The following KIAA1217 variants were observed in gnomAD, a reference collection of about 807,000 sequenced individuals.
The protein encoded by KIAA1217 is KIAA1217, also known as sickle tail protein homolog.
In KIAA1217, 88 loss-of-function variants were observed where a neutral mutation model predicts 163.9. The ratio of observed to expected loss-of-function variants is 0.54; its 90% CI spans 0.45 to 0.64. The LOEUF (loss-of-function observed/expected upper bound fraction) is 0.64. KIAA1217 is among the 30% of genes least tolerant of loss of function. The pLI is 0.00. For synonymous variants in KIAA1217, 903 were observed against 923.1 expected, an observed-to-expected ratio of 0.98 and a Z score of 0.39; for missense variants, 2,372 against 2,475.0, an observed-to-expected ratio of 0.96 and a Z score of 0.88.
At chr10:24,234,438 C>A (rs183242303) in intron 2 of KIAA1217, among the ~76,000 whole-genome samples, 1 of 151,836 alleles carries the variant, frequency 6.6e-6, no homozygotes, top group Non-Finnish European at 1.5e-5. Flanking sequence ...CTAAGGCAGG[C>A]GGATCACCTG....
intron 1 of KIAA1217, among the ~76,000 whole-genome samples, chr10:23,865,677 T>C (rs1033587422): frequency 3.9e-5 from 6 of 152,166 alleles, no homozygotes; most frequent in African/African-American, 1.4e-4. Context: ...TTTTAACGTT[T>C]AAATCTTAAT....
At chr10:24,179,247 C>T (rs1026771122) in intron 2 of KIAA1217, among the ~76,000 whole-genome samples, 1 of 152,144 alleles carries the variant, frequency 6.6e-6, no homozygotes, top group Admixed American at 6.5e-5. Flanking sequence ...TGTGTCCCCA[C>T]CCAAATCTTG....
intron 3 of KIAA1217, among the ~76,000 whole-genome samples, chr10:24,425,103 G>C (rs879310449): frequency 1.3e-5 from 2 of 152,144 alleles, no homozygotes; most frequent in Admixed American, 6.5e-5. Flanking sequence ...AAATTACCCA[G>C]TTAACTGAGT....
chr10:24,109,337 T>G (rs1181390366), intron 2 of KIAA1217, among the ~76,000 whole-genome samples: 1 of 152,196 alleles, frequency 6.6e-6, no homozygotes, highest in Non-Finnish European at 1.5e-5. Flanking sequence ...CTATCTTGTT[T>G]TATATAGTTA....
intron 1 of KIAA1217, among the ~76,000 whole-genome samples, chr10:23,846,532 T>G (rs1839039707): frequency 6.6e-6 from 1 of 152,178 alleles, no homozygotes; most frequent in Non-Finnish European, 1.5e-5. Flanking sequence ...GCTCTCTGTT[T>G]GTCTGTTCTT....
intron 5 of KIAA1217, among the ~76,000 whole-genome samples, chr10:24,464,525 C>G (rs1417456124): frequency 6.6e-6 from 1 of 152,074 alleles, no homozygotes; most frequent in Non-Finnish European, 1.5e-5. Flanking sequence ...ACTCTGTCAC[C>G]CAGGCTGGAG....
chr10:24,040,432 A>G (rs1395846578), intron 2 of KIAA1217, among the ~76,000 whole-genome samples: 2 of 152,244 alleles, frequency 1.3e-5, no homozygotes, highest in Non-Finnish European at 2.9e-5. Flanking sequence ...AACTGAAGAC[A>G]CCTGAAGAAG....
chr10:23,796,334 A>G (rs974347684), intron 1 of KIAA1217, among the ~76,000 whole-genome samples: 8 of 135,260 alleles, frequency 5.9e-5, no homozygotes, highest in Non-Finnish European at 1.3e-4. Context: ...CCTTCCCGAG[A>G]GACTGCTTAT....
intron 2 of KIAA1217, among the ~76,000 whole-genome samples, chr10:24,191,955 T>C (rs2066741414): frequency 6.6e-6 from 1 of 152,148 alleles, no homozygotes; most frequent in African/African-American, 2.4e-5. Flanking sequence ...AGTTTTGCCG[T>C]GTTGGTCTGG....
At chr10:24,389,820 T>C in intron 3 of KIAA1217, among the ~76,000 whole-genome samples, 1 of 152,116 alleles carries the variant, frequency 6.6e-6, no homozygotes, top group East Asian at 1.9e-4. Context: ...TTTTTTGTTT[T>C]GTTTTGTTTT....
chr10:23,823,608 A>T (rs1329694798), intron 1 of KIAA1217, among the ~76,000 whole-genome samples: 1 of 152,134 alleles, frequency 6.6e-6, no homozygotes, highest in Non-Finnish European at 1.5e-5. Context: ...GGTTCCAGGG[A>T]TTAGGGCGTG....
intron 5 of KIAA1217, among the ~76,000 whole-genome samples, chr10:24,467,250 C>T (rs952707348): frequency 6.6e-6 from 1 of 152,136 alleles, no homozygotes; most frequent in African/African-American, 2.4e-5. Flanking sequence ...ATGGTGTAAA[C>T]AGCATTTTGA....
chr10:24,410,168 G>A (rs1386798162), intron 3 of KIAA1217, among the ~76,000 whole-genome samples: 5 of 151,482 alleles, frequency 3.3e-5, no homozygotes, highest in Admixed American at 2.0e-4. Flanking sequence ...AGCTAATTTT[G>A]TATTTTTAGT....
rs564809478 is a variant in KIAA1217 at position 24,141,234 on chromosome 10, C to A, written c.-170-78392C>A. Among the ~76,000 whole-genome samples, 79 of 132,924 alleles carry A rather than the reference C, an allele frequency of 5.9e-4. 1 individual carries two copies. The East Asian group carries it at 0.013, about 23-fold the overall frequency. 87.2% of individuals were successfully genotyped at this position (132,924 alleles called of 152,430 possible). Reference sequence around the variant, plus strand: ...CTCAGAGAAAGAATAAACCCCCCCCCCCCATTTCTCTCTTCTTTCCTTTTC... The same window carrying A: ...CTCAGAGAAAGAATAAACCCCCCCCACCCATTTCTCTCTTCTTTCCTTTTC... On this transcript the variant is annotated intron_variant, in intron 2 of 18. Coordinates refer to the KIAA1217 transcript ENST00000376462.
intron 2 of KIAA1217, among the ~76,000 whole-genome samples, chr10:24,093,947 A>T (rs1246445753): frequency 1.3e-5 from 2 of 151,660 alleles, no homozygotes; most frequent in African/African-American, 4.9e-5. Flanking sequence ...GATGATTTCC[A>T]ATTTCATCCG....
chr10:24,103,171 G>A (rs2062484852), intron 2 of KIAA1217, among the ~76,000 whole-genome samples: 1 of 152,108 alleles, frequency 6.6e-6, no homozygotes, highest in South Asian at 2.1e-4. Flanking sequence ...GGGGAAGATA[G>A]TCTTTTTAAA....
intron 2 of KIAA1217, among the ~76,000 whole-genome samples, chr10:24,200,962 A>G (rs1458430775): frequency 6.6e-6 from 1 of 152,078 alleles, no homozygotes; most frequent in Non-Finnish European, 1.5e-5. Flanking sequence ...GGGGGCAAGC[A>G]GAAACAATTT....
At chr10:23,727,599 A>C (rs1328656614) in intron 1 of KIAA1217, among the ~76,000 whole-genome samples, 1 of 152,190 alleles carries the variant, frequency 6.6e-6, no homozygotes, top group Admixed American at 6.5e-5. Flanking sequence ...GCACATACAT[A>C]GTTATATTTT....
At chr10:24,062,434 C>T (rs1275514589) in intron 2 of KIAA1217, among the ~76,000 whole-genome samples, 1 of 151,616 alleles carries the variant, frequency 6.6e-6, no homozygotes, top group East Asian at 1.9e-4. Flanking sequence ...TGATGGTTTC[C>T]AGCTTCATCC....
Sources: allele counts gnomAD v4.1 joint callset (sites outside exome capture counted in the v4.1 genomes callset), GRCh38; gene constraint gnomAD v4.1.1; transcripts MANE v1.5; gene names NCBI Gene and HGNC (gene_info 2026-07-23, HGNC 2026-07-21).